The following SRPK2 variants were observed in gnomAD, a reference collection of about 807,000 sequenced individuals.
The protein encoded by SRPK2 is SFRS protein kinase 2.
Under a neutral mutation model 90.8 loss-of-function variants are expected in SRPK2, and 21 were observed. The observed-to-expected ratio is 0.23, with a 90% CI of 0.16 to 0.33. SRPK2 has a LOEUF of 0.33. Among genes scored for constraint, SRPK2 ranks in the 10% least tolerant of loss-of-function variants. The pLI, the probability that SRPK2 is intolerant of heterozygous loss-of-function variation, is 1.00. For missense variants in SRPK2, 620 were observed against 869.0 expected (o/e 0.71, Z 3.60); for synonymous variants, 288 against 311.1 (o/e 0.93, Z 0.78).
intron 1 of SRPK2, chr7:105,399,056 A>T (rs1822401299): frequency 6.6e-6 from 1 of 152,204 alleles, no homozygotes; most frequent in Admixed American, 6.5e-5. Context: ...AGCTGATCAT[A>T]TATATGTGCC....
chr7:105,233,087 GGAAA>G lies in SRPK2; in HGVS notation c.72-29306_72-29303del, dbSNP rs1202527596. ...GCAAGGAAGGAAGGAAGGAAAGGAA[GGAAA>G]GAAGGAAGGAAGGAAGGAAGGAAGG... On this transcript the variant is annotated intron_variant, in intron 2 of 15. Coordinates refer to ENST00000393651, the MANE Select transcript of SRPK2 (RefSeq NM_182692.3). Among the ~76,000 whole-genome samples, 1,188 of 123,868 alleles carry G rather than the reference GGAAA, an allele frequency of 9.6e-3. 23 individuals are homozygous for G. The highest frequency in any genetic ancestry group is 0.046 in the South Asian group (141 of 3,054). 81.3% of individuals were successfully genotyped at this position (123,868 alleles called of 152,430 possible).
chr7:105,170,782 C>A (rs6976791), intron 3 of SRPK2, among the ~76,000 whole-genome samples: 2,801 of 28,802 alleles, frequency 0.097, 213 homozygotes, highest in African/African-American at 0.21. Flanking sequence ...GAAGGAAGGA[C>A]GGGAGGGAGG....
intron 2 of SRPK2, among the ~76,000 whole-genome samples, chr7:105,386,444 T>C (rs1485077963): frequency 6.6e-6 from 1 of 152,112 alleles, no homozygotes; most frequent in Admixed American, 6.6e-5. Context: ...TCGGGCACGG[T>C]GGCTCACACC....
chr7:105,277,042 C>A (rs549670602), intron 2 of SRPK2, among the ~76,000 whole-genome samples: 2 of 152,120 alleles, frequency 1.3e-5, no homozygotes, highest in South Asian at 2.1e-4. Context: ...TCAGGATACA[C>A]GCTTATGGAG....
At chr7:105,205,427 G>C (rs762245034) in intron 2 of SRPK2, among the ~76,000 whole-genome samples, 4 of 151,884 alleles carry the variant, frequency 2.6e-5, no homozygotes, top group Non-Finnish European at 5.9e-5. Flanking sequence ...CAGACATCAG[G>C]ATTGTAGTGA....
At chr7:105,171,821 C>T (rs972977050) in intron 3 of SRPK2, among the ~76,000 whole-genome samples, 3 of 152,122 alleles carry the variant, frequency 2.0e-5, no homozygotes, top group African/African-American at 7.2e-5. Context: ...TATTAAATGG[C>T]TTACTACTTA....
intron 15 of SRPK2, among the ~76,000 whole-genome samples, chr7:105,119,233 A>G (rs1180771942): frequency 2.6e-5 from 4 of 152,052 alleles, no homozygotes; most frequent in African/African-American, 9.7e-5. Context: ...CATGAGATGC[A>G]TCAATAGATA....
At chr7:105,232,857 A>G (rs1799622620) in intron 2 of SRPK2, among the ~76,000 whole-genome samples, 1 of 152,120 alleles carries the variant, frequency 6.6e-6, no homozygotes, top group Admixed American at 6.5e-5. Context: ...TACTAAAAAT[A>G]CAAAAATTAG....
chr7:105,330,476 A>G (rs554834414), intron 2 of SRPK2, among the ~76,000 whole-genome samples: 1 of 152,290 alleles, frequency 6.6e-6, no homozygotes, highest in South Asian at 2.1e-4. Context: ...TTGGGAAAAA[A>G]GGAGAGCAGG....
At chr7:105,178,721 A>T (rs1042129691) in intron 3 of SRPK2, among the ~76,000 whole-genome samples, 4 of 152,102 alleles carry the variant, frequency 2.6e-5, no homozygotes, top group Admixed American at 1.3e-4. Flanking sequence ...ACTCCGAAGG[A>T]TCACTTGGGT....
chr7:105,127,469 C>T (rs1374154384), intron 13 of SRPK2, among the ~76,000 whole-genome samples: 1 of 152,248 alleles, frequency 6.6e-6, no homozygotes, highest in Non-Finnish European at 1.5e-5. Flanking sequence ...GTATAGCAGA[C>T]ACTGCTGCGT....
chr7:105,347,894 CAATT>C (rs1563268296), intron 2 of SRPK2, among the ~76,000 whole-genome samples: 1 of 151,272 alleles, frequency 6.6e-6, no homozygotes, highest in African/African-American at 2.4e-5. Context: ...GTAGCTTGCA[CAATT>C]AATTCTAAAT....
intron 2 of SRPK2, among the ~76,000 whole-genome samples, chr7:105,317,526 C>G (rs187705777): frequency 2.6e-5 from 4 of 152,116 alleles, no homozygotes; most frequent in Admixed American, 1.3e-4. Context: ...AATTTGGGAA[C>G]CTGACAGACA....
At chr7:105,192,286 C>G (rs1310083903) in intron 3 of SRPK2, among the ~76,000 whole-genome samples, 1 of 152,122 alleles carries the variant, frequency 6.6e-6, no homozygotes, top group Non-Finnish European at 1.5e-5. Flanking sequence ...TTAGCTCCCA[C>G]TTATGAGTGA....
intron 3 of SRPK2, among the ~76,000 whole-genome samples, chr7:105,191,100 C>T (rs1794225417): frequency 6.6e-6 from 1 of 151,946 alleles, no homozygotes; most frequent in Admixed American, 6.5e-5. Flanking sequence ...AAAAGTAAAA[C>T]AGAATAATGC....
At chr7:105,208,464 A>G (rs1346402056) in intron 2 of SRPK2, among the ~76,000 whole-genome samples, 6 of 152,238 alleles carry the variant, frequency 3.9e-5, no homozygotes, top group Non-Finnish European at 7.3e-5. Flanking sequence ...AGAGAAATGA[A>G]GTACTGATAT....
intron 3 of SRPK2, among the ~76,000 whole-genome samples, chr7:105,192,578 T>C (rs768696921): frequency 6.6e-6 from 1 of 152,252 alleles, no homozygotes; most frequent in Non-Finnish European, 1.5e-5. Context: ...GTGGGATTGC[T>C]GGATCAATGG....
chr7:105,279,796 C>T (rs1163914960), intron 2 of SRPK2, among the ~76,000 whole-genome samples: 3 of 152,304 alleles, frequency 2.0e-5, no homozygotes, highest in African/African-American at 7.2e-5. Flanking sequence ...AGCCCCTCAA[C>T]AGAACAAAGC....
intron 11 of SRPK2, among the ~76,000 whole-genome samples, chr7:105,140,962 T>TA (rs1052582352): frequency 1.2e-3 from 166 of 141,554 alleles, no homozygotes; most frequent in African/African-American, 1.9e-3. Context: ...CTCAATCTCA[T>TA]AAAAAAAAAA....
Sources: allele counts gnomAD v4.1 joint callset (sites outside exome capture counted in the v4.1 genomes callset), GRCh38; gene constraint gnomAD v4.1.1; transcripts MANE v1.5; gene names NCBI Gene and HGNC (gene_info 2026-07-23, HGNC 2026-07-21).